The following PGLYRP4 variants were observed in gnomAD, a reference collection of about 807,000 sequenced individuals.
PGLYRP4 encodes PGRP-I-beta.
In PGLYRP4, 39 loss-of-function variants were observed where a neutral mutation model predicts 41.2. The observed-to-expected ratio is 0.95, with a 90% CI of 0.73 to 1.24. The LOEUF (loss-of-function observed/expected upper bound fraction) is 1.24. PGLYRP4 is among the 50% of genes most tolerant of loss of function. PGLYRP4 has a pLI of 0.00. For missense variants in PGLYRP4, 467 were observed against 460.7 expected (o/e 1.01, Z -0.13); for synonymous variants, 202 against 186.8 (o/e 1.08, Z -0.66).
In PGLYRP4 at chr1:153,345,349, C is replaced by T. The variant is rs370456458; in HGVS notation, c.173G>A (p.Arg58His). The T allele has an allele frequency of 2.9e-5, 47 of 1,614,036 alleles. No homozygotes were observed. Among genetic ancestry groups the T allele is most frequent in the Middle Eastern group, 3.3e-4 (2 of 6,082 alleles). ...AACAGCTTCTGCCCCCCATGCCTTG[C>T]GAGAGACCGTGGTGGAGACATCTGT... ...LPTDVSTTVS[R>H]KAWGAEAVGC... Residue 58 changes from arginine (R) to histidine (H), a missense_variant, in exon 4 of 9, where the codon CGC becomes CAC. Physicochemically the swap from Arg to His is conservative, Grantham distance 29. Coordinates refer to ENST00000359650, the MANE Select transcript of PGLYRP4 (RefSeq NM_020393.4).
chr1:153,345,160 A>C lies in PGLYRP4; in HGVS notation c.353+9T>G. 1 of 1,599,440 alleles carries C rather than the reference A, an allele frequency of 6.3e-7. No homozygotes were observed. Among genetic ancestry groups the C allele is most frequent in the Non-Finnish European group, 8.5e-7 (1 of 1,172,092 alleles). ...ACCATGTGCCGTGGGACCCAGACCC[A>C]GCTCTTACTTGTAGGCCACATCACA... On this transcript the variant is annotated intron_variant, in intron 4 of 8. Transcript: ENST00000359650.
In PGLYRP4 at chr1:153,341,656, G is replaced by A. The variant is rs1479813549; in HGVS notation, c.596C>T (p.Ala199Val). The part of the protein sequence containing the change: ...PLLGKGENCL[A>V]PRQKTSLKKA... ...CTTCAGGCTTGTCTTCTGCCGAGGGGCCAGGCAGTTCTCGCCTTTCCCAAG... is the reference window on the plus strand; with the variant it reads ...CTTCAGGCTTGTCTTCTGCCGAGGGACCAGGCAGTTCTCGCCTTTCCCAAG... The change falls in exon 6 of 9, where the codon GCC (alanine) becomes GTC (valine). Residue 199 changes from alanine (A) to valine (V), a missense_variant. Coordinates refer to ENST00000359650, the MANE Select transcript of PGLYRP4 (RefSeq NM_020393.4). 10 of 1,613,376 alleles carry A rather than the reference G, an allele frequency of 6.2e-6. No individual in the cohort carries two copies. The highest frequency in any genetic ancestry group is 7.6e-6 in the Non-Finnish European group (9 of 1,179,954).
In PGLYRP4 at chr1:153,330,784, G is replaced by A. The variant is rs752916235; in HGVS notation, c.1105C>T (p.Pro369Ser). 5 of 1,613,704 alleles carry A rather than the reference G, an allele frequency of 3.1e-6. No homozygotes were observed. Among genetic ancestry groups the A allele is most frequent in the Non-Finnish European group, 8.5e-7 (1 of 1,179,724 alleles). The change falls in exon 9 of 9, where the codon CCT becomes TCT. Residue 369 changes from proline (P) to serine (S), a missense_variant. Coordinates refer to ENST00000359650, the MANE Select transcript of PGLYRP4 (RefSeq NM_020393.4). ...QALYNIISTW[P>S]HFKH The stretch of plus-strand genomic sequence containing the variant: ...GGCTTCTCTCAGTGTTTGAAATGAG[G>A]CCAGGTGCTGATGATGTTGTACAAA...
intron 7 of PGLYRP4, among the ~76,000 whole-genome samples, chr1:153,338,148 G>A (rs1390856210): frequency 6.6e-6 from 1 of 152,174 alleles, no homozygotes; most frequent in Non-Finnish European, 1.5e-5. Flanking sequence ...CCATCTTGGT[G>A]AAAGGCATGG....
At position 153,341,594 on chromosome 1, in the gene PGLYRP4, G is replaced by A. The variant is rs781356922; in HGVS notation, c.625+33C>T. On this transcript the variant is annotated intron_variant, in intron 6 of 8. Transcript: ENST00000359650. ...GCGAGTTAGTTGGGGTGAGCCCAGT[G>A]GCAGGCCCAGTAGGGCTGAAGAAAG... is the stretch of plus-strand genomic sequence containing the variant. 4 of 1,587,882 alleles carry A rather than the reference G, an allele frequency of 2.5e-6. No homozygotes were observed. The Admixed American group carries it at 5.2e-5, about 21-fold the overall frequency.
At position 153,341,620 on chromosome 1, in the gene PGLYRP4, GTCTTA is replaced by G; in HGVS notation, c.625+2_625+6del. On this transcript the variant is annotated splice_donor_variant and splice_donor_5th_base_variant and intron_variant, in intron 6 of 8. Transcript: ENST00000359650. LOFTEE classifies it high-confidence loss of function. The stretch of plus-strand genomic sequence containing the variant: ...GCAGGCCCAGTAGGGCTGAAGAAAG[GTCTTA>G]CCCTTCTTCAGGCTTGTCTTCTGCC... 6.2e-7 allele frequency: 1 copy of G among 1,609,582 alleles called. No homozygotes were observed. Among genetic ancestry groups the G allele is most frequent in the Non-Finnish European group, 8.5e-7 (1 of 1,178,224 alleles).
intron 8 of PGLYRP4, among the ~76,000 whole-genome samples, chr1:153,335,155 G>A (rs759193275): frequency 1.4e-5 from 2 of 143,830 alleles, no homozygotes; most frequent in Admixed American, 1.4e-4. Flanking sequence ...TTATGACTAA[G>A]TCCTCAAAAG....
Position 153,340,484 on chromosome 1 carries a change from T to C in PGLYRP4, c.721A>G (p.Thr241Ala), listed in dbSNP as rs757651001. Residue 241 changes from threonine to alanine, a missense_variant, in exon 7 of 9, where the codon ACT becomes GCT. Coordinates refer to ENST00000359650, the MANE Select transcript of PGLYRP4 (RefSeq NM_020393.4). ...LPAKYGIIIH[T>A]AGRTCNISDE... ...GAAATGTTGCAGGTCCTCCCGGCAG[T>C]GTGGATAATGATGCCATACTTCGCT... 2.5e-6 allele frequency: 4 copies of C among 1,614,050 alleles called. No individual in the cohort carries two copies. The highest frequency in any genetic ancestry group is 1.1e-5 in the South Asian group (1 of 91,064).
Position 153,346,176 on chromosome 1 carries a change from T to C in PGLYRP4, c.65A>G (p.Asn22Ser), listed in dbSNP as rs1403089878. ...TGATACCTGTTTAGCTTGTGTTTTG[T>C]TCCAGGAGGAATCACCTGCAAAGGA... is the stretch of plus-strand genomic sequence containing the variant. Reference protein sequence around the residue: ...GIQAWGDSSWNKTQAKQVSEG... With the variant: ...GIQAWGDSSWSKTQAKQVSEG... Residue 22 changes from asparagine (N) to serine (S), a missense_variant, in exon 3 of 9, where the codon AAC becomes AGC. By Grantham distance (46) the Asn-to-Ser change is conservative. Coordinates refer to ENST00000359650, the MANE Select transcript of PGLYRP4 (RefSeq NM_020393.4). 2 of 1,613,730 alleles carry C rather than the reference T, an allele frequency of 1.2e-6. No individual in the cohort carries two copies. Among genetic ancestry groups the C allele is most frequent in the Admixed American group, 3.3e-5 (2 of 60,012 alleles).
At chr1:153,345,095 T>G (rs1016739608) in intron 4 of PGLYRP4, 74 bp downstream of exon 4, 1 of 1,119,592 alleles carries the variant, frequency 8.9e-7, no homozygotes. Context: ...GGAAAAGGGA[T>G]GAGAAGGGAC....
At chr1:153,343,483 G>T (rs532169211) in intron 4 of PGLYRP4, among the ~76,000 whole-genome samples, 9 of 152,292 alleles carry the variant, frequency 5.9e-5, no homozygotes, top group Middle Eastern at 3.4e-3. Flanking sequence ...AGAGGTCCTA[G>T]AGGTTCCATG....
chr1:153,346,571 G>A (rs1424369633), intron 2 of PGLYRP4, among the ~76,000 whole-genome samples: 3 of 152,148 alleles, frequency 2.0e-5, no homozygotes, highest in African/African-American at 4.8e-5. Context: ...AAGCGTGTGT[G>A]AAGAAGGGGT....
At chr1:153,344,949 T>C (rs890692134) in intron 4 of PGLYRP4, 1 of 548,280 alleles carries the variant, frequency 1.8e-6, no homozygotes, top group African/African-American at 1.9e-5. Flanking sequence ...CAGTTATTAC[T>C]TAACCTTCCT....
chr1:153,342,951 T>G, intron 5 of PGLYRP4, 139 bp downstream of exon 5: 1 of 564,120 alleles, frequency 1.8e-6, no homozygotes, highest in Non-Finnish European at 3.2e-6. Flanking sequence ...AAGAAGAAAA[T>G]TCCAAGAGAG....
intron 2 of PGLYRP4, among the ~76,000 whole-genome samples, chr1:153,347,064 T>A (rs781224001): frequency 5.9e-5 from 9 of 152,252 alleles, no homozygotes; most frequent in Non-Finnish European, 1.0e-4. Context: ...TTTTTCGTTT[T>A]GTTTTGTTTT....
chr1:153,342,129 A>G (rs2101571492), intron 5 of PGLYRP4, among the ~76,000 whole-genome samples: 1 of 152,310 alleles, frequency 6.6e-6, no homozygotes, highest in South Asian at 2.1e-4. Context: ...TGCCTACAAT[A>G]ACTCATTTAA....
chr1:153,330,959 C>A lies in PGLYRP4; in HGVS notation c.944-14G>T. 1.2e-6 allele frequency: 2 copies of A among 1,607,906 alleles called. No individual in the cohort carries two copies. The highest frequency in any genetic ancestry group is 8.5e-7 in the Non-Finnish European group (1 of 1,175,530). ...TGGGTGGTATACCTGCAAAACACAG[C>A]AGCCCATTGTCTACAGGATTACAGG... On this transcript the variant is annotated splice_polypyrimidine_tract_variant and intron_variant, in intron 8 of 8. Coordinates refer to ENST00000359650, the MANE Select transcript of PGLYRP4 (RefSeq NM_020393.4).
chr1:153,339,734 T>G (rs539359842), intron 7 of PGLYRP4, among the ~76,000 whole-genome samples: 1 of 151,470 alleles, frequency 6.6e-6, no homozygotes, highest in Non-Finnish European at 1.5e-5. Flanking sequence ...CAAAAATGTG[T>G]CACAGAATTT....
intron 7 of PGLYRP4, among the ~76,000 whole-genome samples, chr1:153,339,470 G>T (rs559708287): frequency 3.3e-5 from 5 of 152,184 alleles, no homozygotes; most frequent in Non-Finnish European, 7.3e-5. Flanking sequence ...AGCCATAAAT[G>T]GCCCTAGAGT....
Sources: allele counts gnomAD v4.1 joint callset (sites outside exome capture counted in the v4.1 genomes callset), GRCh38; gene constraint gnomAD v4.1.1; transcripts MANE v1.5; gene names NCBI Gene and HGNC (gene_info 2026-07-23, HGNC 2026-07-21).